The following NSD2 variants were observed in gnomAD, a reference collection of about 807,000 sequenced individuals.
NSD2 encodes the protein nuclear receptor binding SET domain protein 2, also known as histone-lysine N-methyltransferase NSD2.
NSD2 carries 12 observed loss-of-function variants against 139.0 expected under a neutral mutation model. The ratio of observed to expected loss-of-function variants is 0.09; its 90% CI spans 0.06 to 0.14. The LOEUF (loss-of-function observed/expected upper bound fraction) is 0.14, where lower values mean the gene tolerates loss of function less well. NSD2 is among the 10% of genes least tolerant of loss of function. NSD2 has a pLI of 1.00. For missense variants in NSD2, 1,155 were observed against 1,745.0 expected (o/e 0.66, Z 6.02); for synonymous variants, 669 against 648.7 (o/e 1.03, Z -0.48).
chr4:1,948,204 A>G lies in NSD2; in HGVS notation c.1882-2868A>G, dbSNP rs914393715. ...GCTGCTCGGAGCTCAGTGCCGCAGC[A>G]TGGCTGTGGTGGACGCGGGAAACAA... On this transcript the variant is annotated intron_variant, in intron 9 of 21. Transcript: ENST00000508803. This position sits in a 1 kb window ranked among gnomAD's most constrained non-coding sequence, Gnocchi z 4.5. 9 of 1,064,140 alleles carry G rather than the reference A, an allele frequency of 8.5e-6. No individual in the cohort carries two copies. In the African/African-American group the frequency reaches 1.5e-4, roughly 17 times the overall value. The allele number at this position is 1,064,140 out of a possible 1,614,324, so 65.9% of individuals were successfully genotyped here.
intron 9 of NSD2, chr4:1,944,106 C>T: frequency 9.4e-7 from 1 of 1,066,190 alleles, no homozygotes; most frequent in Non-Finnish European, 1.1e-6. Flanking sequence ...GACATCGTTC[C>T]CTGGGGACAT....
rs1433708640 is a variant in NSD2 at position 1,976,828 on chromosome 4, A to G, written c.3826+149A>G. The G allele has an allele frequency of 1.3e-6, 1 of 796,076 alleles. No individual in the cohort carries two copies. Among genetic ancestry groups the G allele is most frequent in the East Asian group, 2.7e-5 (1 of 37,396 alleles). The allele number at this position is 796,076 out of a possible 1,614,324, so 49.3% of individuals were successfully genotyped here. A position where few individuals can be genotyped will look rare whatever the true frequency, so the allele number is the denominator to read the frequency against. On this transcript the variant is annotated intron_variant, in intron 21 of 21. Transcript: ENST00000508803. The surrounding 1 kb of genome is among the most constrained non-coding windows in gnomAD (Gnocchi z 5.3). ...AGCGAAGGCCCTGATCCAGGGTGGC[A>G]GAGCCTTTCTTTGTTCCACCAGCCG...
At chr4:1,951,001 C>G in intron 9 of NSD2, 71 bp from the exon 10 acceptor site, 1 of 1,584,010 alleles carries the variant, frequency 6.3e-7, no homozygotes. Context: ...CGGGACGAGC[C>G]TGCCTGCAGG....
rs200531379 is a variant in NSD2 at position 1,951,223 on chromosome 4, C to T, written c.2013+20C>T. 2,005 of 1,613,754 alleles carry T rather than the reference C, an allele frequency of 1.2e-3. 2 individuals carry two copies. The highest frequency in any genetic ancestry group is 1.5e-3 in the Non-Finnish European group (1,820 of 1,179,826). On this transcript the variant is annotated intron_variant, in intron 10 of 21. Coordinates refer to ENST00000508803, the MANE Select transcript of NSD2 (RefSeq NM_001042424.3). ...TGCCAGGTGAGGAGAAGGCAGCATCCGCTATGTCCGTGCTGGTGTCTGACT... is the reference window on the plus strand; with the variant it reads ...TGCCAGGTGAGGAGAAGGCAGCATCTGCTATGTCCGTGCTGGTGTCTGACT...
At chr4:1,975,220 C>A in intron 19 of NSD2, 74 bp from the exon 20 acceptor site, 2 of 1,483,750 alleles carry the variant, frequency 1.3e-6, no homozygotes, top group African/African-American at 1.4e-5. Flanking sequence ...TTTTGTTGAC[C>A]TAATACACGC....
intron 3 of NSD2, among the ~76,000 whole-genome samples, chr4:1,905,045 G>A (rs1406422183): frequency 1.3e-5 from 2 of 152,028 alleles, no homozygotes; most frequent in East Asian, 3.9e-4. Context: ...CAGGAGAATC[G>A]CTAGAACCCG....
Position 1,900,996 on chromosome 4 carries a change from T to A in NSD2, c.342T>A (p.Thr114=), listed in dbSNP as rs1280114707. Residue 114 remains threonine, a synonymous_variant, in exon 2 of 22, where the codon ACT becomes ACA. Coordinates refer to ENST00000508803, the MANE Select transcript of NSD2 (RefSeq NM_001042424.3). ...AAGGGATTGGGACACCCCCTAACAC[T>A]ACCCCTATCAAAAATGGCTCTCCAG... is the stretch of plus-strand genomic sequence containing the variant. ...EMKGIGTPPN[T]TPIKNGSPEI... 5.6e-6 allele frequency: 9 copies of A among 1,614,190 alleles called. No homozygotes were observed. The highest frequency in any genetic ancestry group is 3.3e-5 in the Admixed American group (2 of 60,026).
intron 5 of NSD2, among the ~76,000 whole-genome samples, chr4:1,924,580 A>C (rs1392088374): frequency 6.6e-6 from 1 of 152,038 alleles, no homozygotes; most frequent in Non-Finnish European, 1.5e-5. Flanking sequence ...CACTATACTA[A>C]AAGTAATATA....
rs1304842915 is a variant in NSD2 at position 1,981,572 on chromosome 4, A to T, written c.*2663A>T. 4 of 342,764 alleles carry T rather than the reference A, an allele frequency of 1.2e-5. No individual in the cohort carries two copies. Among genetic ancestry groups the T allele is most frequent in the Non-Finnish European group, 5.2e-6 (1 of 190,780 alleles). 21.2% of individuals were successfully genotyped at this position (342,764 alleles called of 1,614,324 possible). A position where few individuals can be genotyped will look rare whatever the true frequency, so the allele number is the denominator to read the frequency against. ...GGGATGTGTCCGAATGGGCAGCTTA[A>T]AATGTGGTCACCTGTGGGGGAAACT... On this transcript the variant is annotated 3_prime_UTR_variant, in exon 22 of 22. Transcript: ENST00000508803.
intron 1 of NSD2, among the ~76,000 whole-genome samples, chr4:1,884,122 G>A (rs549423089): frequency 3.9e-5 from 6 of 152,102 alleles, no homozygotes; most frequent in Non-Finnish European, 8.8e-5. Context: ...AGGAGATGGG[G>A]TCTTGCTCTG....
At chr4:1,952,756 C>A in intron 11 of NSD2, 1 of 1,091,632 alleles carries the variant, frequency 9.2e-7, no homozygotes, top group South Asian at 3.5e-5. Context: ...CATCAGGTGT[C>A]GCCCGGCACA....
At position 1,900,707 on chromosome 4, in the gene NSD2, G is replaced by C; in HGVS notation, c.53G>C (p.Cys18Ser). Reference protein sequence around the residue: ...SPLSVQSVVKCIKMKQAPEIL... With the variant: ...SPLSVQSVVKSIKMKQAPEIL... ...CTTTCTGTTCAGAGTGTTGTAAAGT[G>C]CATAAAGATGAAGCAGGCACCAGAA... The change falls in exon 2 of 22, where the codon TGC (cysteine) becomes TCC (serine). Residue 18 changes from cysteine to serine, a missense_variant. By Grantham distance (112) the Cys-to-Ser change is moderately radical (BLOSUM62 -1). This residue lies in a region of NSD2 where 246 missense variants were observed against 262.8 expected (regional missense o/e 0.94). Transcript: ENST00000508803. The C allele has an allele frequency of 6.2e-7, 1 of 1,613,456 alleles. No individual in the cohort carries two copies. The highest frequency in any genetic ancestry group is 8.5e-7 in the Non-Finnish European group (1 of 1,179,714).
In NSD2 at chr4:1,911,587, CAAAAAAAAAAAAAAAAAAAA is replaced by C. The variant is rs1233211302; in HGVS notation, c.761-5283_761-5264del. On this transcript the variant is annotated intron_variant, in intron 3 of 21. Transcript: ENST00000508803. Reference sequence around the variant, plus strand: ...TGGGCGACAGAGCGAGACGCCATCTCAAAAAAAAAAAAAAAAAAAAGAAAAAAAAAAAGAAAGAAAGAAAT... The same window carrying C: ...TGGGCGACAGAGCGAGACGCCATCTCGAAAAAAAAAAAGAAAGAAAGAAAT... Among the ~76,000 whole-genome samples, 8 of 42,090 alleles carry C rather than the reference CAAAAAAAAAAAAAAAAAAAA, an allele frequency of 1.9e-4. No individual in the cohort carries two copies. The East Asian group carries it at 4.8e-3, about 25-fold the overall frequency. The allele number at this position is 42,090 out of a possible 152,430, so 27.6% of individuals were successfully genotyped here. A position where few individuals can be genotyped will look rare whatever the true frequency, so the allele number is the denominator to read the frequency against.
Position 1,981,988 on chromosome 4 carries a change from A to C in NSD2, c.*3079A>C, listed in dbSNP as rs1212258634. 1 of 398,618 alleles carries C rather than the reference A, an allele frequency of 2.5e-6. No homozygotes were observed. The allele number at this position is 398,618 out of a possible 1,614,324, so 24.7% of individuals were successfully genotyped here. A position where few individuals can be genotyped will look rare whatever the true frequency, so the allele number is the denominator to read the frequency against. On this transcript the variant is annotated 3_prime_UTR_variant, in exon 22 of 22. Coordinates refer to ENST00000508803, the MANE Select transcript of NSD2 (RefSeq NM_001042424.3). ...TGGTGTCTAAACTTCATACAATGTAAGGTCAGATTCCTTTTAGGAATACTG... is the reference window on the plus strand; with the variant it reads ...TGGTGTCTAAACTTCATACAATGTACGGTCAGATTCCTTTTAGGAATACTG...
rs373512421 is a variant in NSD2, at chr4:1,894,709, C to G, written c.-29-5917C>G. Among the ~76,000 whole-genome samples, 306 of 151,804 alleles carry G rather than the reference C, an allele frequency of 2.0e-3. 2 individuals are homozygous for G. The highest frequency in any genetic ancestry group is 6.8e-3 in the Middle Eastern group (2 of 294). ...AAAAAAAATGAAAAGAAGAAGTTGT[C>G]TTTCCCTCATCCTCCCAAGCCTCTC... On this transcript the variant is annotated intron_variant, in intron 1 of 21. Coordinates refer to ENST00000508803, the MANE Select transcript of NSD2 (RefSeq NM_001042424.3).
intron 5 of NSD2, among the ~76,000 whole-genome samples, chr4:1,924,192 A>C (rs1720541673): frequency 6.6e-6 from 1 of 152,160 alleles, no homozygotes; most frequent in Non-Finnish European, 1.5e-5. Context: ...ATAAAATAAA[A>C]TGGTATAAAG....
rs910177096 is a variant in NSD2 at position 1,976,352 on chromosome 4, C to A, written c.3622-123C>A. ...CACGAGGAGGACACTCCTCTCCTCT[C>A]CTCTTAGTGTTGGGCACCTGCAGAG... On this transcript the variant is annotated intron_variant, in intron 20 of 21. Coordinates refer to ENST00000508803, the MANE Select transcript of NSD2 (RefSeq NM_001042424.3). This position sits in a 1 kb window ranked among gnomAD's most constrained non-coding sequence, Gnocchi z 5.3. 1.9e-6 allele frequency: 2 copies of A among 1,051,358 alleles called. No homozygotes were observed. Among genetic ancestry groups the A allele is most frequent in the African/African-American group, 3.2e-5 (2 of 63,062 alleles). 65.1% of individuals were successfully genotyped at this position (1,051,358 alleles called of 1,614,324 possible). A position where few individuals can be genotyped will look rare whatever the true frequency, so the allele number is the denominator to read the frequency against.
At chr4:1,875,382 A>C (rs1270024611) in intron 1 of NSD2, among the ~76,000 whole-genome samples, 1 of 150,698 alleles carries the variant, frequency 6.6e-6, no homozygotes, top group Non-Finnish European at 1.5e-5. Context: ...CCTGGGCTCA[A>C]TCGATCCTCC....
Position 1,972,718 on chromosome 4 carries a change from A to G in NSD2, c.3373-2145A>G, listed in dbSNP as rs1726624098. Among the ~76,000 whole-genome samples the G allele has an allele frequency of 6.6e-6, 1 of 152,272 alleles. No homozygotes were observed. The highest frequency in any genetic ancestry group is 1.5e-5 in the Non-Finnish European group (1 of 68,050). ...TGTGTGGTGGGAAAAGCTGCATGCA[A>G]CTACTCAGCAAACCGAAAACGCATG... On this transcript the variant is annotated intron_variant, in intron 18 of 21. Transcript: ENST00000508803. The surrounding 1 kb of genome is among the most constrained non-coding windows in gnomAD (Gnocchi z 4.0).
Sources: allele counts gnomAD v4.1 joint callset (sites outside exome capture counted in the v4.1 genomes callset), GRCh38; gene constraint gnomAD v4.1.1; regional missense constraint gnomAD v4.1.1; non-coding constraint Gnocchi (gnomAD v3.1); transcripts MANE v1.5; gene names NCBI Gene and HGNC (gene_info 2026-07-23, HGNC 2026-07-21).